ANKFN1: variants seen among roughly 807,000 people sequenced by gnomAD.
The protein encoded by ANKFN1 is ankyrin repeat and fibronectin type III domain containing 1.
In ANKFN1, 74 loss-of-function variants were observed where a neutral mutation model predicts 108.7. That is an observed-to-expected ratio of 0.68 (90% confidence interval 0.56 to 0.83). ANKFN1 has a LOEUF of 0.83. Ranked by LOEUF, ANKFN1 falls within the 40% of genes least tolerant of loss-of-function variation. The probability of loss-of-function intolerance (pLI) is 0.00; values close to 1 mark genes in which losing one functional copy is unlikely to be tolerated. For synonymous variants in ANKFN1, 547 were observed against 516.2 expected, an observed-to-expected ratio of 1.06 and a Z score of -0.81; for missense variants, 1,505 against 1,382.3, an observed-to-expected ratio of 1.09 and a Z score of -1.41.
chr17:56,171,447 G>C (rs992521878), intron 1 of ANKFN1, among the ~76,000 whole-genome samples: 6 of 152,174 alleles, frequency 3.9e-5, no homozygotes, highest in African/African-American at 1.4e-4. Context: ...ACGGTCTACA[G>C]CAATGGTTAA....
intron 11 of ANKFN1, among the ~76,000 whole-genome samples, chr17:56,451,021 AAAG>A (rs1187380179): frequency 6.6e-6 from 1 of 152,196 alleles, no homozygotes; most frequent in Non-Finnish European, 1.5e-5. Flanking sequence ...ACTTTCCAAA[AAAG>A]AAGAATATAT....
chr17:56,340,399 A>G (rs763335230), intron 4 of ANKFN1, among the ~76,000 whole-genome samples: 1 of 152,018 alleles, frequency 6.6e-6, no homozygotes, highest in Non-Finnish European at 1.5e-5. Context: ...CCTGAATGAC[A>G]CAGCCTAGGT....
chr17:56,270,989 A>G (rs745490464), intron 3 of ANKFN1, among the ~76,000 whole-genome samples: 1 of 151,926 alleles, frequency 6.6e-6, no homozygotes, highest in African/African-American at 2.4e-5. Flanking sequence ...TAATTGTGCC[A>G]TTGTTTGTAA....
chr17:56,464,764 G>A (rs543117258), intron 14 of ANKFN1, among the ~76,000 whole-genome samples: 54 of 152,272 alleles, frequency 3.5e-4, no homozygotes, highest in African/African-American at 1.2e-3. Context: ...ATTCACTGAG[G>A]TAAAGATTAG....
At chr17:56,448,088 G>C (rs935358307) in intron 10 of ANKFN1, among the ~76,000 whole-genome samples, 7 of 152,176 alleles carry the variant, frequency 4.6e-5, no homozygotes, top group Non-Finnish European at 8.8e-5. Context: ...TGTTCAACTA[G>C]AATTTAAGCC....
intron 2 of ANKFN1, among the ~76,000 whole-genome samples, chr17:56,220,040 G>A (rs1000177927): frequency 1.3e-5 from 2 of 152,180 alleles, no homozygotes; most frequent in African/African-American, 4.8e-5. Context: ...CAGTAACTTA[G>A]TATGCTGGTA....
intron 4 of ANKFN1, among the ~76,000 whole-genome samples, chr17:56,350,357 G>A (rs1036416542): frequency 2.0e-5 from 3 of 152,126 alleles, no homozygotes; most frequent in Non-Finnish European, 4.4e-5. Flanking sequence ...CAACATCTAG[G>A]TGGATGTAAG....
Position 56,419,439 on chromosome 17 carries a change from C to T in ANKFN1, c.911-20888C>T, listed in dbSNP as rs576280829. Among the ~76,000 whole-genome samples, 15 of 150,798 alleles carry T rather than the reference C, an allele frequency of 9.9e-5. No homozygotes were observed. The South Asian group carries it at 2.5e-3, about 25-fold the overall frequency. ...TGGAGGCTGCAGTGAGCCGAGATCC[C>T]GCCATTGCACTCTAGCCTGGGCAAC... is the stretch of plus-strand genomic sequence containing the variant. On this transcript the variant is annotated intron_variant, in intron 8 of 20. Coordinates refer to ENST00000682825, the MANE Select transcript of ANKFN1 (RefSeq NM_001370326.1).
chr17:56,502,647 C>G (rs138870927), intron 20 of ANKFN1, among the ~76,000 whole-genome samples: 248 of 152,344 alleles, frequency 1.6e-3, no homozygotes, highest in African/African-American at 5.5e-3. Flanking sequence ...AGTGTGACCA[C>G]TTTGAATTGT....
intron 6 of ANKFN1, among the ~76,000 whole-genome samples, chr17:56,364,566 G>C (rs1261031664): frequency 2.0e-5 from 3 of 152,174 alleles, no homozygotes; most frequent in African/African-American, 7.2e-5. Flanking sequence ...ATGATGCCAT[G>C]GGGCAATTTC....
chr17:56,327,000 T>G (rs554215622), intron 4 of ANKFN1, among the ~76,000 whole-genome samples: 1 of 152,318 alleles, frequency 6.6e-6, no homozygotes, highest in South Asian at 2.1e-4. Flanking sequence ...GTCTTTTCTT[T>G]ATTTCATAAA....
chr17:56,469,823 G>A (rs1046739732), intron 15 of ANKFN1, among the ~76,000 whole-genome samples: 1 of 150,364 alleles, frequency 6.7e-6, no homozygotes, highest in Non-Finnish European at 1.5e-5. Context: ...GGGTACAAGT[G>A]CAGGATGTGC....
upstream of ANKFN1, among the ~76,000 whole-genome samples, chr17:56,148,675 T>A (rs1436565105): frequency 1.3e-5 from 2 of 152,240 alleles, no homozygotes; most frequent in Non-Finnish European, 1.5e-5. Context: ...AGCAGTAGAC[T>A]TTTATCTTCT....
intron 4 of ANKFN1, among the ~76,000 whole-genome samples, chr17:56,121,838 T>C (rs1248951432): frequency 6.6e-6 from 1 of 152,234 alleles, no homozygotes; most frequent in Non-Finnish European, 1.5e-5. Context: ...AGGTCCAATG[T>C]AGAGCCCTAG....
At chr17:56,286,800 C>T (rs1357195717) in intron 3 of ANKFN1, among the ~76,000 whole-genome samples, 1 of 152,054 alleles carries the variant, frequency 6.6e-6, no homozygotes, top group Non-Finnish European at 1.5e-5. Flanking sequence ...GTAAGATGAT[C>T]ATATGATATG....
At chr17:56,320,063 A>G (rs1290952825) in intron 3 of ANKFN1, among the ~76,000 whole-genome samples, 1 of 152,186 alleles carries the variant, frequency 6.6e-6, no homozygotes, top group Non-Finnish European at 1.5e-5. Flanking sequence ...ATCTCTCTGA[A>G]CCTGAGTTTC....
chr17:56,493,051 GATAA>G (rs1436663032), intron 19 of ANKFN1, among the ~76,000 whole-genome samples: 2 of 152,110 alleles, frequency 1.3e-5, no homozygotes, highest in Non-Finnish European at 2.9e-5. Context: ...ATAGCCCCAT[GATAA>G]ATATCACTAT....
chr17:56,219,957 C>T (rs571916576), intron 2 of ANKFN1, among the ~76,000 whole-genome samples: 1 of 152,328 alleles, frequency 6.6e-6, no homozygotes. Context: ...GTCAGAAAAT[C>T]TGTATTCTAG....
At chr17:56,321,201 A>G (rs963385823) in intron 3 of ANKFN1, among the ~76,000 whole-genome samples, 4 of 152,146 alleles carry the variant, frequency 2.6e-5, no homozygotes, top group African/African-American at 9.7e-5. Context: ...AACTTCGCAC[A>G]TAATAAGCAT....
Sources: gnomAD v4.1 joint callset for allele counts (sites outside exome capture counted in the v4.1 genomes callset) on GRCh38, gnomAD v4.1.1 for gene constraint, MANE v1.5 for transcripts, NCBI Gene and HGNC (gene_info 2026-07-23, HGNC 2026-07-21) for gene names.